GADL1: variants seen among roughly 807,000 people sequenced by gnomAD.
GADL1 encodes acidic amino acid decarboxylase GADL1.
A neutral mutation model predicts 69.5 loss-of-function variants in GADL1; 71 were observed. The observed-to-expected ratio is 1.02, with a 90% CI of 0.84 to 1.25. The LOEUF (loss-of-function observed/expected upper bound fraction) is 1.25. Among genes scored for constraint, GADL1 ranks in the 50% most tolerant of loss-of-function variants. The pLI is 0.00. For synonymous variants in GADL1, 254 were observed against 214.4 expected (o/e 1.18, Z -1.62); for missense variants, 737 against 631.8 (o/e 1.17, Z -1.79).
At chr3:30,745,986 T>C (rs369144728) in intron 14 of GADL1, among the ~76,000 whole-genome samples, 14 of 140,682 alleles carry the variant, frequency 1.0e-4, no homozygotes, top group East Asian at 2.5e-4. Flanking sequence ...TCCTCCTCCT[T>C]CTTCTTCTTC....
At chr3:30,803,068 C>T (rs190521894) in intron 11 of GADL1, among the ~76,000 whole-genome samples, 34 of 152,260 alleles carry the variant, frequency 2.2e-4, no homozygotes, top group Middle Eastern at 3.4e-3. Flanking sequence ...CACCAGCCTA[C>T]GCAACACAGT....
chr3:30,869,761 T>TAG (rs1476897527), intron 1 of GADL1, among the ~76,000 whole-genome samples: 8 of 151,878 alleles, frequency 5.3e-5, no homozygotes, highest in African/African-American at 1.9e-4. Context: ...CATGAGATAG[T>TAG]CATAAAATAT....
intron 14 of GADL1, among the ~76,000 whole-genome samples, chr3:30,775,969 C>T (rs1449642094): frequency 2.0e-5 from 3 of 152,124 alleles, no homozygotes; most frequent in Non-Finnish European, 4.4e-5. Context: ...CCTGTGATCA[C>T]AGCTACTCGG....
At chr3:30,893,783 C>T (rs907764854) in intron 1 of GADL1, among the ~76,000 whole-genome samples, 1 of 152,128 alleles carries the variant, frequency 6.6e-6, no homozygotes, top group Non-Finnish European at 1.5e-5. Flanking sequence ...CCGCAGGGGA[C>T]CCCAGCTGAG....
At chr3:30,839,164 G>C in intron 8 of GADL1, 51 bp from the exon 9 acceptor site, 1 of 1,213,206 alleles carries the variant, frequency 8.2e-7, no homozygotes, top group Non-Finnish European at 1.1e-6. Flanking sequence ...CACTAAATTT[G>C]TCCTGTAATA....
rs548031556 is a variant in GADL1 at position 30,866,176 on chromosome 3, C to G, written c.38-4411G>C. On this transcript the variant is annotated intron_variant, in intron 1 of 14. Coordinates refer to ENST00000282538, the MANE Select transcript of GADL1 (RefSeq NM_207359.3). ...CAATATTTATTCAATACATAAATGA[C>G]ACCAGGCACGGTGGTTCACACCTGC... Among the ~76,000 whole-genome samples the G allele has an allele frequency of 2.8e-4, 42 of 152,056 alleles. 1 individual carries two copies. In the South Asian group the frequency reaches 8.5e-3, roughly 31 times the overall value.
At chr3:30,816,799 G>A (rs1252236516) in intron 11 of GADL1, among the ~76,000 whole-genome samples, 2 of 151,846 alleles carry the variant, frequency 1.3e-5, no homozygotes, top group Non-Finnish European at 2.9e-5. Flanking sequence ...ACCTGCCTCA[G>A]CCTCCCAAAG....
intron 14 of GADL1, among the ~76,000 whole-genome samples, chr3:30,757,394 TAA>T (rs1348668421): frequency 6.6e-6 from 1 of 152,068 alleles, no homozygotes; most frequent in Non-Finnish European, 1.5e-5. Flanking sequence ...CAGAAGCCTA[TAA>T]AAAGCATAAA....
intron 1 of GADL1, among the ~76,000 whole-genome samples, chr3:30,876,123 T>G (rs1698573733): frequency 6.6e-6 from 1 of 152,052 alleles, no homozygotes; most frequent in South Asian, 2.1e-4. Flanking sequence ...GTTCTATACA[T>G]ATAATATGTT....
At chr3:30,745,026 A>G (rs6550012) in intron 14 of GADL1, among the ~76,000 whole-genome samples, 43,927 of 152,108 alleles carry the variant, frequency 0.29, 6,503 homozygotes, top group African/African-American at 0.31. Flanking sequence ...GAGCCATTGA[A>G]GAACATGGTT....
intron 14 of GADL1, among the ~76,000 whole-genome samples, chr3:30,747,188 C>G (rs982680240): frequency 1.3e-5 from 2 of 152,154 alleles, no homozygotes; most frequent in African/African-American, 4.8e-5. Flanking sequence ...CAGCCTTTTT[C>G]TGTTTATGTC....
intron 9 of GADL1, among the ~76,000 whole-genome samples, chr3:30,837,860 C>T (rs535043821): frequency 2.0e-5 from 3 of 152,116 alleles, no homozygotes; most frequent in South Asian, 4.2e-4. Flanking sequence ...GCTAAAATCC[C>T]GTTAACGAGT....
intron 14 of GADL1, among the ~76,000 whole-genome samples, chr3:30,769,401 C>A (rs1375493138): frequency 2.0e-5 from 3 of 152,106 alleles, no homozygotes; most frequent in African/African-American, 7.2e-5. Flanking sequence ...CACACACACC[C>A]AGATACCTCC....
chr3:30,764,617 C>G (rs948778172), intron 14 of GADL1, among the ~76,000 whole-genome samples: 1 of 152,178 alleles, frequency 6.6e-6, no homozygotes, highest in Admixed American at 6.5e-5. Context: ...CAGTGGAACA[C>G]AATAGATGCT....
At chr3:30,810,406 G>A (rs1697327028) in intron 11 of GADL1, among the ~76,000 whole-genome samples, 1 of 151,750 alleles carries the variant, frequency 6.6e-6, no homozygotes, top group Non-Finnish European at 1.5e-5. Context: ...CAGATACATA[G>A]GTAGATATAG....
At chr3:30,796,873 C>A (rs555209589) in intron 12 of GADL1, among the ~76,000 whole-genome samples, 3 of 152,052 alleles carry the variant, frequency 2.0e-5, no homozygotes, top group Non-Finnish European at 4.4e-5. Context: ...ACTTCATACC[C>A]ATAATCACCA....
At chr3:30,799,647 C>A (rs1697120812) in intron 12 of GADL1, 1 of 152,086 alleles carries the variant, frequency 6.6e-6, no homozygotes. Context: ...AATTTCTCCT[C>A]AAAAAATGGG....
intron 1 of GADL1, among the ~76,000 whole-genome samples, chr3:30,891,742 A>G (rs900869413): frequency 6.6e-6 from 1 of 152,178 alleles, no homozygotes; most frequent in Non-Finnish European, 1.5e-5. Context: ...TCGGCACAGC[A>G]ATAGTAGGGA....
chr3:30,810,046 C>G (rs1236204482), intron 11 of GADL1, among the ~76,000 whole-genome samples: 1 of 152,160 alleles, frequency 6.6e-6, no homozygotes, highest in Non-Finnish European at 1.5e-5. Flanking sequence ...TTCTGGTGAA[C>G]AGTCTGCCCT....
Sources: gnomAD v4.1 joint callset for allele counts (sites outside exome capture counted in the v4.1 genomes callset) on GRCh38, gnomAD v4.1.1 for gene constraint, MANE v1.5 for transcripts, NCBI Gene and HGNC (gene_info 2026-07-23, HGNC 2026-07-21) for gene names.